PYROXD1: variants seen among roughly 807,000 people sequenced by gnomAD.
The protein encoded by PYROXD1 is tRNA ligase complex-associated NAD(P)H dehydrogenase PYROXD1.
A neutral mutation model predicts 62.0 loss-of-function variants in PYROXD1; 42 were observed. The ratio of observed to expected loss-of-function variants is 0.68; its 90% CI spans 0.53 to 0.88. The LOEUF is 0.88. Among genes scored for constraint, PYROXD1 ranks in the 40% least tolerant of loss-of-function variants. The pLI is 0.00. For synonymous variants in PYROXD1, 170 were observed against 206.4 expected (o/e 0.82, Z 1.51); for missense variants, 493 against 604.8 (o/e 0.82, Z 1.94).
At chr12:21,440,667 A>C (rs201609844) in intron 2 of PYROXD1, among the ~76,000 whole-genome samples, 7 of 58,338 alleles carry the variant, frequency 1.2e-4, no homozygotes, top group Non-Finnish European at 2.9e-4. Flanking sequence ...TCTTTCTGTC[A>C]CCTAATTTAA....
intron 2 of PYROXD1, among the ~76,000 whole-genome samples, chr12:21,441,606 C>T (rs1010621525): frequency 6.6e-5 from 10 of 151,958 alleles, no homozygotes; most frequent in Non-Finnish European, 8.8e-5. Context: ...CATCTTTCAT[C>T]GTCAGAATTT....
At chr12:21,446,376 G>A (rs975001688) in intron 3 of PYROXD1, among the ~76,000 whole-genome samples, 1 of 152,072 alleles carries the variant, frequency 6.6e-6, no homozygotes, top group South Asian at 2.1e-4. Flanking sequence ...AGTGAGCCCA[G>A]ATCGCACCAC....
intron 5 of PYROXD1, 136 bp downstream of exon 5, chr12:21,452,290 A>G (rs1942515422): frequency 2.0e-5 from 12 of 608,692 alleles, no homozygotes; most frequent in South Asian, 4.4e-5. Flanking sequence ...AATCAAAGAT[A>G]AATATAATTT....
At chr12:21,455,479 A>C (rs1320936744) in intron 6 of PYROXD1, among the ~76,000 whole-genome samples, 187 bp downstream of exon 6, 2 of 146,976 alleles carry the variant, frequency 1.4e-5, no homozygotes, top group Non-Finnish European at 3.0e-5. Flanking sequence ...TATATATATA[A>C]TTAAAACAAG....
chr12:21,464,463 C>A (rs931278678), intron 10 of PYROXD1, among the ~76,000 whole-genome samples: 1 of 151,980 alleles, frequency 6.6e-6, no homozygotes, highest in Non-Finnish European at 1.5e-5. Context: ...TCTATCACTT[C>A]TGCTAGAAAT....
intron 7 of PYROXD1, among the ~76,000 whole-genome samples, chr12:21,458,511 C>G (rs1325427392): frequency 6.6e-6 from 1 of 152,212 alleles, no homozygotes. Context: ...GCCATCTGTT[C>G]AGGGCAAGAG....
intron 3 of PYROXD1, chr12:21,447,988 A>C (rs1942424282): frequency 2.9e-6 from 1 of 348,038 alleles, no homozygotes; most frequent in African/African-American, 2.1e-5. Context: ...ATCTAAAAAA[A>C]AAAAAAACAC....
At chr12:21,440,643 G>A (rs781175121) in intron 2 of PYROXD1, among the ~76,000 whole-genome samples, 195 bp downstream of exon 2, 3 of 145,630 alleles carry the variant, frequency 2.1e-5, no homozygotes, top group Non-Finnish European at 4.6e-5. Flanking sequence ...TTTCCAATTT[G>A]GATGCCTTTT....
intron 7 of PYROXD1, 43 bp from the exon 8 acceptor site, chr12:21,460,982 C>T (rs777253738): frequency 3.2e-6 from 4 of 1,242,148 alleles, no homozygotes; most frequent in Non-Finnish European, 3.2e-6. Flanking sequence ...CCGGGTTATT[C>T]TTTCTGTAAG....
At position 21,440,409 on chromosome 12, in the gene PYROXD1, A is replaced by G; in HGVS notation, c.126A>G (p.Thr42=). 1 of 1,601,480 alleles carries G rather than the reference A, an allele frequency of 6.2e-7. No homozygotes were observed. Among genetic ancestry groups the G allele is most frequent in the Non-Finnish European group, 8.5e-7 (1 of 1,173,952 alleles). The change falls in exon 2 of 12, where the codon ACA becomes ACG. Residue 42 remains threonine, a synonymous_variant. Coordinates refer to ENST00000240651, the MANE Select transcript of PYROXD1 (RefSeq NM_024854.5). ...HFPSEDILLV[T]ASPVIKAVTN... is the part of the protein sequence containing the mutation. ...CATCGGAAGATATTCTCTTGGTAAC[A>G]GCTTCTCCTGTTATTAAAGCAGTTA...
chr12:21,453,508 CCTTT>C (rs10551001), intron 5 of PYROXD1, among the ~76,000 whole-genome samples: 56,553 of 151,764 alleles, frequency 0.37, 10,754 homozygotes, highest in Middle Eastern at 0.47. Context: ...TCTGTTTTCT[CCTTT>C]CTAAGTGTAA....
chr12:21,442,828 C>A (rs1942320672), intron 2 of PYROXD1, among the ~76,000 whole-genome samples: 1 of 152,228 alleles, frequency 6.6e-6, no homozygotes, highest in South Asian at 2.1e-4. Flanking sequence ...CACCATGTGG[C>A]TGATACTGAT....
At chr12:21,460,948 C>T (rs1032008289) in intron 7 of PYROXD1, 77 bp from the exon 8 acceptor site, 11 of 894,478 alleles carry the variant, frequency 1.2e-5, no homozygotes, top group Admixed American at 8.9e-5. Context: ...TACAAGTATA[C>T]GTTTTTTCTT....
rs555780310 is a variant in PYROXD1, at chr12:21,470,267, T to C, written c.*1513T>C. ...AGATTGCTGAAGCATGTTTGCAGCC[T>C]TCTTCTGGAAGTTGCCTGAATTTTT... is the stretch of plus-strand genomic sequence containing the variant. On this transcript the variant is annotated 3_prime_UTR_variant, in exon 12 of 12. Coordinates refer to ENST00000240651, the MANE Select transcript of PYROXD1 (RefSeq NM_024854.5). The C allele has an allele frequency of 1.3e-5, 21 of 1,610,298 alleles. No homozygotes were observed. In the Admixed American group the frequency reaches 1.7e-4, roughly 13 times the overall value.
chr12:21,462,603 A>G (rs1283323851), intron 9 of PYROXD1, 137 bp from the exon 10 acceptor site: 4 of 945,474 alleles, frequency 4.2e-6, no homozygotes, highest in Non-Finnish European at 6.4e-6. Context: ...AGGTGTCTAA[A>G]CTTTGCTGAT....
intron 2 of PYROXD1, among the ~76,000 whole-genome samples, chr12:21,445,089 T>C (rs1008894355): frequency 6.6e-6 from 1 of 152,168 alleles, no homozygotes; most frequent in African/African-American, 2.4e-5. Flanking sequence ...TTACCCCTCA[T>C]TTTACAGGTC....
chr12:21,440,310 A>G (rs1296870997), intron 1 of PYROXD1, 58 bp from the exon 2 acceptor site: 5 of 949,014 alleles, frequency 5.3e-6, no homozygotes, highest in Admixed American at 4.2e-5. Context: ...CCCAAACCAT[A>G]TATACCAGTA....
intron 1 of PYROXD1, chr12:21,438,469 A>T (rs568867471): frequency 6.6e-6 from 1 of 152,324 alleles, no homozygotes; most frequent in African/African-American, 2.4e-5. Flanking sequence ...ATCGTAGGTG[A>T]TTGAGTTTAG....
At chr12:21,437,848 C>T (rs1390732397) in intron 1 of PYROXD1, 34 bp downstream of exon 1, 3 of 1,594,144 alleles carry the variant, frequency 1.9e-6, no homozygotes, top group Admixed American at 1.7e-5. Flanking sequence ...CGCCTCTTTC[C>T]CCGACCCCAA....
Sources: allele counts gnomAD v4.1 joint callset (sites outside exome capture counted in the v4.1 genomes callset), GRCh38; gene constraint gnomAD v4.1.1; transcripts MANE v1.5; gene names NCBI Gene and HGNC (gene_info 2026-07-23, HGNC 2026-07-21).